The following YBEY variants were observed in gnomAD, a reference collection of about 807,000 sequenced individuals.
YBEY encodes the protein ybeY metalloendoribonuclease, also known as endoribonuclease YbeY.
Under a neutral mutation model 13.5 loss-of-function variants are expected in YBEY, and 15 were observed. That is an observed-to-expected ratio of 1.11 (90% confidence interval 0.75 to 1.72). YBEY has a LOEUF of 1.72. Among genes scored for constraint, YBEY ranks in the 40% most tolerant of loss-of-function variants. The probability of loss-of-function intolerance (pLI) is 0.00; values close to 1 mark genes in which losing one functional copy is unlikely to be tolerated. For missense variants in YBEY, 244 were observed against 208.4 expected (o/e 1.17, Z -1.05); for synonymous variants, 101 against 83.1 (o/e 1.21, Z -1.17).
intron 2 of YBEY, among the ~76,000 whole-genome samples, chr21:46,290,098 C>T (rs2081638946): frequency 6.6e-6 from 1 of 151,930 alleles, no homozygotes; most frequent in African/African-American, 2.4e-5. Context: ...TTTTTGTTAT[C>T]AGGCATGGAA....
chr21:46,309,393 C>A, the YBEY span, among the ~76,000 whole-genome samples: 17 of 147,998 alleles, frequency 1.1e-4, no homozygotes, highest in African/African-American at 4.2e-4. Context: ...ACCCGGTGGG[C>A]AGAGGTTGAA....
the YBEY span, chr21:46,312,960 C>T: frequency 6.1e-6 from 6 of 982,356 alleles, no homozygotes; most frequent in Non-Finnish European, 7.3e-6. Context: ...AAATTATAGC[C>T]AAATATTCGA....
At chr21:46,302,654 C>T (rs1435411656), downstream of YBEY, 6 of 1,140,568 alleles carry the variant, frequency 5.3e-6, no homozygotes, top group Admixed American at 1.0e-4. Context: ...CATTATAGGA[C>T]CAGAGAACAG....
the YBEY span, among the ~76,000 whole-genome samples, chr21:46,303,271 C>T: frequency 2.0e-5 from 3 of 152,012 alleles, no homozygotes; most frequent in South Asian, 2.1e-4. Flanking sequence ...CCCAGGAGTT[C>T]GAGGCTGTAG....
At chr21:46,307,021 A>G in the YBEY span, among the ~76,000 whole-genome samples, 5 of 151,900 alleles carry the variant, frequency 3.3e-5, no homozygotes, top group South Asian at 6.2e-4. Context: ...TCAACCTCCC[A>G]AGTAACTGGG....
intron 3 of YBEY, chr21:46,292,014 C>T (rs1187596027): frequency 3.6e-6 from 1 of 274,870 alleles, no homozygotes; most frequent in Non-Finnish European, 5.6e-6. Flanking sequence ...ATTTGGCAGG[C>T]AGGGGCTAGG....
At chr21:46,295,659 T>C (rs1178176259) in intron 3 of YBEY, among the ~76,000 whole-genome samples, 1 of 152,180 alleles carries the variant, frequency 6.6e-6, no homozygotes, top group Non-Finnish European at 1.5e-5. Flanking sequence ...GCACTCCCTG[T>C]GCTGCCTGTG....
At chr21:46,302,390 C>A, downstream of YBEY, 4 of 1,124,742 alleles carry the variant, frequency 3.6e-6, no homozygotes, top group Admixed American at 2.2e-5. Flanking sequence ...GCCAGGAATG[C>A]CCTTTCAGAG....
At chr21:46,287,617 G>C (rs757732395) in intron 2 of YBEY, among the ~76,000 whole-genome samples, 2 of 152,140 alleles carry the variant, frequency 1.3e-5, no homozygotes, top group African/African-American at 2.4e-5. Flanking sequence ...CACAAAAGTA[G>C]AGAGAGCAGT....
intron 2 of YBEY, among the ~76,000 whole-genome samples, chr21:46,289,680 C>G (rs2081616153): frequency 6.6e-6 from 1 of 151,886 alleles, no homozygotes; most frequent in Admixed American, 6.6e-5. Flanking sequence ...TCTAGAACTC[C>G]TGACCTCAGG....
intron 2 of YBEY, among the ~76,000 whole-genome samples, chr21:46,289,266 G>A (rs1223742084): frequency 6.6e-6 from 1 of 152,108 alleles, no homozygotes; most frequent in Admixed American, 6.6e-5. Flanking sequence ...ATTCTGCATT[G>A]GGAGGGATGA....
Position 46,286,982 on chromosome 21 carries a change from C to G in YBEY, c.69C>G (p.Ile23Met), listed in dbSNP as rs746561744. Residue 23 changes from isoleucine to methionine, a missense_variant, in exon 2 of 5, where the codon ATC becomes ATG. Coordinates refer to ENST00000397701, the MANE Select transcript of YBEY (RefSeq NM_001314025.2). ...PIRRAPLRSK[I>M]EIVRRILGVQ... is the part of the protein sequence containing the mutation. ...GGAGAGCGCCACTTCGCAGTAAGAT[C>G]GAGATTGTAAGGAGGATTTTAGGAG... is the stretch of plus-strand genomic sequence containing the variant. 1.7e-5 allele frequency: 28 copies of G among 1,613,942 alleles called. No individual in the cohort carries two copies. Among genetic ancestry groups the G allele is most frequent in the Non-Finnish European group, 2.3e-5 (27 of 1,180,038 alleles).
chr21:46,303,829 G>C, the YBEY span, among the ~76,000 whole-genome samples: 1 of 138,238 alleles, frequency 7.2e-6, no homozygotes, highest in Non-Finnish European at 1.5e-5. Context: ...TCGACTCACT[G>C]CAAGCTCCGC....
chr21:46,300,932 C>T, downstream of YBEY: 1 of 826,116 alleles, frequency 1.2e-6, no homozygotes, highest in South Asian at 1.8e-5. Flanking sequence ...GTAGCCTGTC[C>T]ACATGGTAAG....
intron 3 of YBEY, among the ~76,000 whole-genome samples, chr21:46,295,051 G>A (rs1042429112): frequency 1.1e-4 from 17 of 152,174 alleles, no homozygotes; most frequent in African/African-American, 2.2e-4. Flanking sequence ...TGGCCCAGCC[G>A]GAGATTCAGC....
At chr21:46,291,899 T>A in intron 3 of YBEY, 1 of 952,074 alleles carries the variant, frequency 1.1e-6, no homozygotes, top group Non-Finnish European at 1.3e-6. Flanking sequence ...ATTGTGGTAT[T>A]GCAGTAGAGA....
At chr21:46,289,450 T>G (rs1019166922) in intron 2 of YBEY, among the ~76,000 whole-genome samples, 233 of 139,326 alleles carry the variant, frequency 1.7e-3, no homozygotes, top group Non-Finnish European at 3.1e-3. Context: ...GGTTTTGTTT[T>G]TTTTTTTTTT....
Position 46,289,193 on chromosome 21 carries a change from A to G in YBEY, c.210+2070A>G, listed in dbSNP as rs77502410. Among the ~76,000 whole-genome samples, 16 of 152,316 alleles carry G rather than the reference A, an allele frequency of 1.1e-4. 1 individual carries two copies. In the East Asian group the frequency reaches 3.1e-3, roughly 29 times the overall value. On this transcript the variant is annotated intron_variant, in intron 2 of 4. Coordinates refer to ENST00000397701, the MANE Select transcript of YBEY (RefSeq NM_001314025.2). ...TTAGGACAAAATACCAAGTGGAAAGAACAGGAATATACAGTCGTGTCCATG... is the reference window on the plus strand; with the variant it reads ...TTAGGACAAAATACCAAGTGGAAAGGACAGGAATATACAGTCGTGTCCATG...
chr21:46,313,139 G>C, the YBEY span: 1 of 831,262 alleles, frequency 1.2e-6, no homozygotes, highest in Non-Finnish European at 1.5e-6. Context: ...CAGCTCTTGA[G>C]TTGGCCATTG....
Sources: allele counts gnomAD v4.1 joint callset (sites outside exome capture counted in the v4.1 genomes callset), GRCh38; gene constraint gnomAD v4.1.1; transcripts MANE v1.5; gene names NCBI Gene and HGNC (gene_info 2026-07-23, HGNC 2026-07-21).